The following CENPP variants were observed in gnomAD, a reference collection of about 807,000 sequenced individuals.
CENPP encodes the protein centromere protein P.
Under a neutral mutation model 35.6 loss-of-function variants are expected in CENPP, and 24 were observed. The ratio of observed to expected loss-of-function variants is 0.67; its 90% CI spans 0.49 to 0.95. The LOEUF (loss-of-function observed/expected upper bound fraction) is 0.95, where lower values mean the gene tolerates loss of function less well. Ranked by LOEUF, CENPP falls within the 40% of genes least tolerant of loss-of-function variation. The probability of loss-of-function intolerance (pLI) is 0.00; values close to 1 mark genes in which losing one functional copy is unlikely to be tolerated. For synonymous variants in CENPP, 120 were observed against 125.5 expected (o/e 0.96, Z 0.29); for missense variants, 332 against 345.3 (o/e 0.96, Z 0.31).
At chr9:92,426,191 A>G (rs1230490210) in intron 5 of CENPP, among the ~76,000 whole-genome samples, 1 of 152,086 alleles carries the variant, frequency 6.6e-6, no homozygotes, top group Non-Finnish European at 1.5e-5. Context: ...AGGGGATGTG[A>G]GTTTGTAATA....
chr9:92,374,243 G>GTTTGC (rs752769368), intron 4 of CENPP, among the ~76,000 whole-genome samples: 1 of 71,920 alleles, frequency 1.4e-5, no homozygotes, highest in Non-Finnish European at 2.6e-5. Flanking sequence ...GCTGTTTGCT[G>GTTTGC]TGTGTGTGTG....
chr9:92,410,093 C>T (rs551554581), intron 5 of CENPP, among the ~76,000 whole-genome samples: 3 of 152,136 alleles, frequency 2.0e-5, no homozygotes, highest in Admixed American at 6.5e-5. Context: ...CGTACCACCG[C>T]GCCTGGCTAA....
chr9:92,351,974 A>G (rs1841458481), intron 4 of CENPP, among the ~76,000 whole-genome samples: 2 of 150,566 alleles, frequency 1.3e-5, no homozygotes, highest in Admixed American at 1.3e-4. Context: ...AATGTTGTCA[A>G]GGTTCATCCA....
chr9:92,539,532 T>G (rs1178388604), intron 5 of CENPP, among the ~76,000 whole-genome samples: 2 of 152,124 alleles, frequency 1.3e-5, no homozygotes, highest in African/African-American at 4.8e-5. Context: ...TCCTTGGGTT[T>G]GCAGAAATTA....
intron 4 of CENPP, among the ~76,000 whole-genome samples, chr9:92,375,857 T>G (rs1193559377): frequency 2.0e-5 from 1 of 50,166 alleles, no homozygotes; most frequent in African/African-American, 2.6e-4. Context: ...GTTAATTTCT[T>G]TTTTTTTTTT....
intron 5 of CENPP, among the ~76,000 whole-genome samples, chr9:92,489,317 G>T (rs554290083): frequency 2.0e-5 from 3 of 152,214 alleles, no homozygotes; most frequent in Non-Finnish European, 4.4e-5. Context: ...CGTAGGGCCA[G>T]AAATGAATAG....
rs1851521465 is a variant in CENPP, at chr9:92,618,576, C to T, written c.*5427C>T. The T allele has an allele frequency of 4.4e-6, 2 of 456,600 alleles. No homozygotes were observed. The highest frequency in any genetic ancestry group is 2.3e-5 in the Admixed American group (1 of 42,562). The allele number at this position is 456,600 out of a possible 1,614,324, so 28.3% of individuals were successfully genotyped here. ...TCTTCGTGGGTTTTCTCTCATCGAA[C>T]ACCACCAGCTTAATCCAGTTAAGGA... is the stretch of plus-strand genomic sequence containing the variant. On this transcript the variant is annotated 3_prime_UTR_variant, in exon 8 of 8. Transcript: ENST00000375587.
At chr9:92,575,140 G>T (rs1178670819) in intron 5 of CENPP, among the ~76,000 whole-genome samples, 2 of 152,162 alleles carry the variant, frequency 1.3e-5, no homozygotes, top group Non-Finnish European at 2.9e-5. Context: ...CACTACATTG[G>T]ATTTGGCAAG....
chr9:92,558,995 C>T (rs1480879980), intron 5 of CENPP, among the ~76,000 whole-genome samples: 1 of 152,024 alleles, frequency 6.6e-6, no homozygotes, highest in Non-Finnish European at 1.5e-5. Flanking sequence ...CCAACAGCCC[C>T]AAGTCTGTTT....
intron 5 of CENPP, among the ~76,000 whole-genome samples, chr9:92,497,539 G>A (rs1182691367): frequency 6.6e-6 from 1 of 151,692 alleles, no homozygotes; most frequent in Non-Finnish European, 1.5e-5. Context: ...CAACAGAATT[G>A]CTTGAACCTG....
At position 92,367,767 on chromosome 9, in the gene CENPP, G is replaced by A. The variant is rs1201996974; in HGVS notation, c.468-11996G>A. On this transcript the variant is annotated intron_variant, in intron 4 of 7. Transcript: ENST00000375587. ...AGAGTAGCTGGGATTACAGGTGCCC[G>A]CCATCACGCCCAGCTAGTTTTTGTA... Among the ~76,000 whole-genome samples, 4 of 152,156 alleles carry A rather than the reference G, an allele frequency of 2.6e-5. No individual in the cohort carries two copies. The South Asian group carries it at 6.2e-4, about 24-fold the overall frequency.
At chr9:92,474,696 G>GA (rs778526424) in intron 5 of CENPP, 2 of 1,613,558 alleles carry the variant, frequency 1.2e-6, no homozygotes, top group Non-Finnish European at 1.7e-6. Context: ...AGATCAAATG[G>GA]AAAAAAATGG....
chr9:92,429,774 C>T (rs565589323), intron 5 of CENPP, among the ~76,000 whole-genome samples: 22 of 148,316 alleles, frequency 1.5e-4, no homozygotes, highest in African/African-American at 4.6e-4. Context: ...GTGACAAGAA[C>T]GAAACTCCGT....
intron 5 of CENPP, among the ~76,000 whole-genome samples, chr9:92,532,984 G>T (rs1485297571): frequency 6.6e-6 from 1 of 151,906 alleles, no homozygotes; most frequent in African/African-American, 2.4e-5. Context: ...TTGAAGCTGG[G>T]CTTCACCATA....
chr9:92,377,197 A>G (rs976844763), intron 4 of CENPP, among the ~76,000 whole-genome samples: 2 of 152,162 alleles, frequency 1.3e-5, no homozygotes, highest in African/African-American at 2.4e-5. Context: ...TAGAAAAGAA[A>G]TGATTTGGGG....
Position 92,466,514 on chromosome 9 carries a change from T to C in CENPP, c.564+86655T>C, listed in dbSNP as rs1159776186. 3.1e-6 allele frequency: 5 copies of C among 1,614,088 alleles called. No individual in the cohort carries two copies. The South Asian group carries it at 5.5e-5, about 18-fold the overall frequency. ...AGATACAGCCTTCGCAACTTCTTTGTGGTTAGAAAGGCTTTTGGGTGAATC... is the reference window on the plus strand; with the variant it reads ...AGATACAGCCTTCGCAACTTCTTTGCGGTTAGAAAGGCTTTTGGGTGAATC... On this transcript the variant is annotated intron_variant, in intron 5 of 7. Coordinates refer to ENST00000375587, the MANE Select transcript of CENPP (RefSeq NM_001012267.3).
chr9:92,330,247 G>A lies in CENPP; in HGVS notation c.108-1923G>A, dbSNP rs529267232. Among the ~76,000 whole-genome samples the A allele has an allele frequency of 2.7e-4, 41 of 152,332 alleles. 2 individuals carry two copies. In the South Asian group the frequency reaches 8.5e-3, roughly 32 times the overall value. ...GGGAAATATTTTATTATTAACAAATGTAGGGTAATTTAGAGGAAAAGCAGA... is the reference window on the plus strand; with the variant it reads ...GGGAAATATTTTATTATTAACAAATATAGGGTAATTTAGAGGAAAAGCAGA... On this transcript the variant is annotated intron_variant, in intron 1 of 7. Coordinates refer to ENST00000375587, the MANE Select transcript of CENPP (RefSeq NM_001012267.3).
intron 5 of CENPP, among the ~76,000 whole-genome samples, chr9:92,527,680 G>A (rs1337237251): frequency 6.6e-6 from 1 of 152,100 alleles, no homozygotes; most frequent in Admixed American, 6.5e-5. Flanking sequence ...AAGCCACAGT[G>A]TCTACCACCC....
chr9:92,435,202 T>G (rs191161181), intron 5 of CENPP, among the ~76,000 whole-genome samples: 1 of 152,218 alleles, frequency 6.6e-6, no homozygotes. Context: ...ATCACCCTTA[T>G]TTTTCATTTT....
Sources: allele counts gnomAD v4.1 joint callset (sites outside exome capture counted in the v4.1 genomes callset), GRCh38; gene constraint gnomAD v4.1.1; transcripts MANE v1.5; gene names NCBI Gene and HGNC (gene_info 2026-07-23, HGNC 2026-07-21).